The following MED14 variants were observed in gnomAD, a reference collection of about 807,000 sequenced individuals.
MED14 encodes mediator complex subunit 14.
A neutral mutation model predicts 109.0 loss-of-function variants in MED14; 8 were observed. That is an observed-to-expected ratio of 0.07 (90% CI 0.04 to 0.13). The LOEUF (loss-of-function observed/expected upper bound fraction) is 0.13. Among genes scored for constraint, MED14 ranks in the 10% least tolerant of loss-of-function variants. The probability of loss-of-function intolerance (pLI) is 1.00; values close to 1 mark genes in which losing one functional copy is unlikely to be tolerated. For synonymous variants in MED14, 399 were observed against 408.7 expected, an observed-to-expected ratio of 0.98 and a Z score of 0.29; for missense variants, 711 against 1,142.4, an observed-to-expected ratio of 0.62 and a Z score of 5.44.
At chrX:40,683,404 C>T (rs2036921335) in intron 16 of MED14, among the ~76,000 whole-genome samples, 1 of 112,133 alleles carries the variant, frequency 8.9e-6, no homozygotes, top group Non-Finnish European at 1.9e-5. Context: ...CAGAGACCCA[C>T]ATTCTAACTC....
intron 15 of MED14, among the ~76,000 whole-genome samples, chrX:40,689,195 T>C (rs898622564): frequency 8.9e-6 from 1 of 112,409 alleles, no homozygotes; most frequent in African/African-American, 3.2e-5. Context: ...TCCCAGGTCT[T>C]GCATGACAGA....
At chrX:40,654,336 A>T (rs1233212244) in intron 30 of MED14, 28 bp downstream of exon 30, 1 of 1,186,860 alleles carries the variant, frequency 8.4e-7, no homozygotes, top group Admixed American at 2.2e-5. Flanking sequence ...ACATATATGC[A>T]ATAAAATATT....
chrX:40,688,241 C>T (rs1218044174), intron 16 of MED14, among the ~76,000 whole-genome samples: 1 of 111,475 alleles, frequency 9.0e-6, no homozygotes, highest in Non-Finnish European at 1.9e-5. Context: ...AACAAGCAAA[C>T]AAACAAACAA....
intron 4 of MED14, 58 bp from the exon 5 acceptor site, chrX:40,713,965 A>G (rs1014745714): frequency 5.4e-6 from 6 of 1,119,678 alleles, no homozygotes; most frequent in East Asian, 3.0e-5. Flanking sequence ...TTTTTTTTCA[A>G]TCTTTTCCTG....
At position 40,651,693 on chromosome X, in the gene MED14, T is replaced by C; in HGVS notation, c.*113A>G. 9.3e-7 allele frequency: 1 copy of C among 1,071,655 alleles called. No individual in the cohort carries two copies. 88.3% of individuals were successfully genotyped at this position (1,071,655 alleles called of 1,213,427 possible). On this transcript the variant is annotated 3_prime_UTR_variant, in exon 31 of 31. Coordinates refer to ENST00000324817, the MANE Select transcript of MED14 (RefSeq NM_004229.4). ...GAAAATTTTTGCCAGTTTAGAATAT[T>C]TAGCTCTTAAAGTTTAAAAAAAAAG...
At chrX:40,666,916 C>T in intron 23 of MED14, 65 bp from the exon 24 acceptor site, 2 of 996,700 alleles carry the variant, frequency 2.0e-6, no homozygotes, top group Non-Finnish European at 2.7e-6. Flanking sequence ...CCAAGGACCC[C>T]AAGTTAAAAA....
rs532791414 is a variant in MED14, at chrX:40,704,477, G to A, written c.1286-908C>T. ...AGTGGCGATGCAGGCCTTTCACCAG[G>A]CGTGGCTTCTGCCTGCTTTTTTGTC... is the stretch of plus-strand genomic sequence containing the variant. On this transcript the variant is annotated intron_variant, in intron 10 of 30. Coordinates refer to ENST00000324817, the MANE Select transcript of MED14 (RefSeq NM_004229.4). Among the ~76,000 whole-genome samples the A allele has an allele frequency of 1.2e-4, 14 of 112,116 alleles. No individual in the cohort carries two copies. In the South Asian group the frequency reaches 5.2e-3, roughly 41 times the overall value.
chrX:40,710,890 C>T (rs1038836475), intron 8 of MED14, among the ~76,000 whole-genome samples: 1 of 111,749 alleles, frequency 8.9e-6, no homozygotes, highest in Non-Finnish European at 1.9e-5. Flanking sequence ...ACTTGGGAGA[C>T]TGGCTCCAGG....
rs757498750 is a variant in MED14, at chrX:40,683,004, T to C, written c.2058-8A>G. The stretch of plus-strand genomic sequence containing the variant: ...CCCTTACAGGGAGGAATTCTGGTGA[T>C]AAAAGACAGCATATGAAGTATACTT... On this transcript the variant is annotated splice_polypyrimidine_tract_variant and splice_region_variant and intron_variant, in intron 16 of 30. Coordinates refer to ENST00000324817, the MANE Select transcript of MED14 (RefSeq NM_004229.4). 1.3e-5 allele frequency: 15 copies of C among 1,191,280 alleles called. No individual in the cohort carries two copies. Among genetic ancestry groups the C allele is most frequent in the Non-Finnish European group, 1.7e-5 (15 of 882,921 alleles).
chrX:40,729,191 GA>G, intron 2 of MED14, 127 bp downstream of exon 2: 1 of 597,611 alleles, frequency 1.7e-6, no homozygotes, highest in East Asian at 3.6e-5. Context: ...TACATGGTGT[GA>G]AAAATCATTC....
Position 40,714,533 on chromosome X carries a change from T to G in MED14, c.522+4A>C. 1.7e-6 allele frequency: 2 copies of G among 1,210,201 alleles called. No homozygotes were observed. The highest frequency in any genetic ancestry group is 5.9e-5 in the East Asian group (2 of 33,848). On this transcript the variant is annotated splice_donor_region_variant and intron_variant, in intron 4 of 30. Transcript: ENST00000324817. ...AGGAACATGGGGGCAAGCAAAGAAC[T>G]TACCCTAATGCAGGTTGGCAGCCGT... is the stretch of plus-strand genomic sequence containing the variant.
At chrX:40,701,561 TCAG>T (rs1452278495) in intron 11 of MED14, among the ~76,000 whole-genome samples, 1 of 111,715 alleles carries the variant, frequency 9.0e-6, no homozygotes, top group Non-Finnish European at 1.9e-5. Context: ...GTCTACTTAA[TCAG>T]TATTTTTAAA....
In MED14 at chrX:40,659,625, A is replaced by G. The variant is rs1929191988; in HGVS notation, c.3685-18T>C. The stretch of plus-strand genomic sequence containing the variant: ...AGCTGCAGCTACAAAACAAGGACAC[A>G]TCAAATTAACATGTAAGTCAAAGAG... On this transcript the variant is annotated intron_variant, in intron 26 of 30. Transcript: ENST00000324817. 10 of 1,167,766 alleles carry G rather than the reference A, an allele frequency of 8.6e-6. No homozygotes were observed. Among genetic ancestry groups the G allele is most frequent in the African/African-American group, 1.8e-5 (1 of 55,578 alleles).
At chrX:40,714,467 TA>T in intron 4 of MED14, 69 bp downstream of exon 4, 1 of 1,094,125 alleles carries the variant, frequency 9.1e-7, no homozygotes, top group Admixed American at 2.6e-5. Context: ...CTGGGCTACT[TA>T]ATAATACAAT....
At chrX:40,685,335 T>C (rs754924118) in intron 16 of MED14, among the ~76,000 whole-genome samples, 13 of 111,809 alleles carry the variant, frequency 1.2e-4, no homozygotes, top group Non-Finnish European at 2.4e-4. Flanking sequence ...GGCCCTGCAG[T>C]GCAAAACCAG....
At chrX:40,690,163 G>A (rs1930444954) in intron 15 of MED14, among the ~76,000 whole-genome samples, 1 of 111,825 alleles carries the variant, frequency 8.9e-6, no homozygotes, top group South Asian at 3.7e-4. Flanking sequence ...CAATTACATA[G>A]GAAACATGGA....
upstream of MED14, chrX:40,735,749 T>A (rs1469116948): frequency 2.5e-6 from 1 of 398,196 alleles, no homozygotes; most frequent in Non-Finnish European, 4.7e-6. Context: ...CGGAAGTCGA[T>A]CGGCAGAGCG....
At chrX:40,717,223 T>C (rs1931556672) in intron 3 of MED14, among the ~76,000 whole-genome samples, 1 of 110,081 alleles carries the variant, frequency 9.1e-6, no homozygotes, top group Non-Finnish European at 1.9e-5. Flanking sequence ...TATGTACATG[T>C]ATCAAAATAT....
At position 40,692,783 on chromosome X, in the gene MED14, C is replaced by G; in HGVS notation, c.1770G>C (p.Gln590His). ...DSPAMALLLQ[Q>H]FKENIQDLVF... ...CCAAGTCCTGAATGTTTTCCTTGAA[C>G]TGCTGCAGCAGCAATGCCATTGCAG... Residue 590 changes from glutamine to histidine, a missense_variant, in exon 14 of 31, where the codon CAG becomes CAC. Transcript: ENST00000324817. 1.7e-6 allele frequency: 2 copies of G among 1,209,999 alleles called. No individual in the cohort carries two copies. Among genetic ancestry groups the G allele is most frequent in the Non-Finnish European group, 2.2e-6 (2 of 895,043 alleles).
Sources: allele counts gnomAD v4.1 joint callset (sites outside exome capture counted in the v4.1 genomes callset), GRCh38; gene constraint gnomAD v4.1.1; transcripts MANE v1.5; gene names NCBI Gene and HGNC (gene_info 2026-07-23, HGNC 2026-07-21).